The following FAM193A variants were observed in gnomAD, a reference collection of about 807,000 sequenced individuals.
FAM193A encodes family with sequence similarity 193 member A.
In FAM193A, 22 loss-of-function variants were observed where a neutral mutation model predicts 126.5. That is an observed-to-expected ratio of 0.17 (90% confidence interval 0.12 to 0.25). FAM193A has a LOEUF of 0.25. Among genes scored for constraint, FAM193A ranks in the 10% least tolerant of loss-of-function variants. The pLI is 1.00. For missense variants in FAM193A, 1,675 were observed against 1,672.8 expected (o/e 1.00, Z -0.02); for synonymous variants, 761 against 646.8 (o/e 1.18, Z -2.68).
chr4:2,707,967 C>G (rs140651999), intron 19 of FAM193A, among the ~76,000 whole-genome samples: 10 of 152,276 alleles, frequency 6.6e-5, no homozygotes, highest in African/African-American at 2.4e-4. Context: ...CCAGGCTAGT[C>G]TCGAACTCCT....
At chr4:2,573,976 G>T (rs1392044976) in intron 1 of FAM193A, among the ~76,000 whole-genome samples, 1 of 152,202 alleles carries the variant, frequency 6.6e-6, no homozygotes, top group Non-Finnish European at 1.5e-5. Flanking sequence ...TGTGAGGCTG[G>T]AGCAGAATGA....
chr4:2,689,413 G>A, intron 13 of FAM193A, 93 bp from the exon 14 acceptor site: 1 of 885,552 alleles, frequency 1.1e-6, no homozygotes, highest in Non-Finnish European at 1.7e-6. Flanking sequence ...ATCCCATGAG[G>A]CTCATAATGA....
chr4:2,673,333 C>G (rs1051208305), intron 13 of FAM193A, among the ~76,000 whole-genome samples: 1 of 152,174 alleles, frequency 6.6e-6, no homozygotes, highest in Non-Finnish European at 1.5e-5. Flanking sequence ...TTTCCAAACA[C>G]ATGTGTGTTT....
chr4:2,620,882 C>T (rs939538129), intron 2 of FAM193A, among the ~76,000 whole-genome samples: 4 of 147,368 alleles, frequency 2.7e-5, no homozygotes, highest in African/African-American at 7.7e-5. Flanking sequence ...AGCGACAGGT[C>T]AGCCACCCAG....
At chr4:2,679,162 T>G (rs1014299855) in intron 13 of FAM193A, among the ~76,000 whole-genome samples, 6 of 152,158 alleles carry the variant, frequency 3.9e-5, no homozygotes, top group Non-Finnish European at 7.4e-5. Context: ...TCTGCACCAG[T>G]TGTGATGATC....
At chr4:2,551,349 C>T (rs531390102) in intron 1 of FAM193A, among the ~76,000 whole-genome samples, 1 of 152,240 alleles carries the variant, frequency 6.6e-6, no homozygotes, top group African/African-American at 2.4e-5. Flanking sequence ...CAGAAATGTT[C>T]CAGTGAATTT....
At chr4:2,701,775 G>T (rs966729464) in intron 19 of FAM193A, among the ~76,000 whole-genome samples, 2 of 150,802 alleles carry the variant, frequency 1.3e-5, no homozygotes, top group Non-Finnish European at 2.9e-5. Context: ...TTGTCATATG[G>T]TGATTTTTTT....
intron 20 of FAM193A, 91 bp from the exon 21 acceptor site, chr4:2,731,684 G>A: frequency 1.0e-6 from 1 of 972,734 alleles, no homozygotes; most frequent in Non-Finnish European, 1.6e-6. Context: ...GTGAGTTTCT[G>A]GCAAGAACAG....
rs1712950098 is a variant in FAM193A, at chr4:2,665,052, G to A, written c.2079+1764G>A. Reference sequence around the variant, plus strand: ...GGTTGTGGTCTTTTATTTGTGGGATGATATAGATCAATTTAGGGAGAATGC... The same window carrying A: ...GGTTGTGGTCTTTTATTTGTGGGATAATATAGATCAATTTAGGGAGAATGC... On this transcript the variant is annotated intron_variant, in intron 12 of 20. Transcript: ENST00000637812. Among the ~76,000 whole-genome samples, 4 of 152,252 alleles carry A rather than the reference G, an allele frequency of 2.6e-5. No individual in the cohort carries two copies. In the South Asian group the frequency reaches 6.2e-4, roughly 24 times the overall value.
intron 1 of FAM193A, among the ~76,000 whole-genome samples, chr4:2,539,509 T>C (rs1737093834): frequency 6.6e-6 from 1 of 151,728 alleles, no homozygotes; most frequent in Non-Finnish European, 1.5e-5. Flanking sequence ...TAACCTCCAA[T>C]TTCTGGGCTA....
chr4:2,694,708 T>G (rs949871425), intron 16 of FAM193A, among the ~76,000 whole-genome samples: 1 of 152,172 alleles, frequency 6.6e-6, no homozygotes, highest in African/African-American at 2.4e-5. Context: ...CGTGTTCCTG[T>G]TCAGTGGCGC....
At chr4:2,622,257 C>CAAAAAAAAAAAAAAAA (rs71178493) in intron 2 of FAM193A, among the ~76,000 whole-genome samples, 3 of 55,546 alleles carry the variant, frequency 5.4e-5, no homozygotes, top group African/African-American at 1.4e-4. Context: ...ACCCTGTCTC[C>CAAAAAAAAAAAAAAAA]AAAAAAAAAA....
rs527314997 is a variant in FAM193A, at chr4:2,729,290, GCGCATGCTCCAGTAAACACACTA to G, written c.4455-2474_4455-2452del. Among the ~76,000 whole-genome samples the G allele has an allele frequency of 2.4e-4, 36 of 152,242 alleles. No homozygotes were observed. The South Asian group carries it at 6.8e-3, about 29-fold the overall frequency. ...AGGGAAGATCGCCTCAGGTGAGCAT[GCGCATGCTCCAGTAAACACACTA>G]CGCATGCTCCCTCCCAAGTGCTAGC... On this transcript the variant is annotated intron_variant, in intron 20 of 20. Coordinates refer to ENST00000637812, the MANE Select transcript of FAM193A (RefSeq NM_001366318.2).
chr4:2,601,152 G>C (rs1265244354), intron 2 of FAM193A, among the ~76,000 whole-genome samples: 1 of 151,460 alleles, frequency 6.6e-6, no homozygotes, highest in East Asian at 1.9e-4. Flanking sequence ...AGAGTTACTG[G>C]TATAAAGTTC....
Position 2,605,816 on chromosome 4 carries a change from A to G in FAM193A, c.501+9487A>G, listed in dbSNP as rs546050621. 1.1e-4 allele frequency among the ~76,000 whole-genome samples: 17 copies of G among 151,810 alleles called. No individual in the cohort carries two copies. In the South Asian group the frequency reaches 2.9e-3, roughly 26 times the overall value. On this transcript the variant is annotated intron_variant, in intron 2 of 20. Coordinates refer to ENST00000637812, the MANE Select transcript of FAM193A (RefSeq NM_001366318.2). ...GCGAAACCTCGTCTCTACTGAAAAT[A>G]CAAAATTAGCCCGTCATGGTGGCAC... is the stretch of plus-strand genomic sequence containing the variant.
chr4:2,538,785 C>T (rs1017039636), intron 1 of FAM193A, among the ~76,000 whole-genome samples: 1 of 152,124 alleles, frequency 6.6e-6, no homozygotes, highest in Admixed American at 6.6e-5. Flanking sequence ...CAATAAAAAC[C>T]AGTTGGTGGC....
chr4:2,651,751 C>T (rs553569045), intron 7 of FAM193A, among the ~76,000 whole-genome samples: 34 of 152,334 alleles, frequency 2.2e-4, no homozygotes, highest in Admixed American at 5.9e-4. Flanking sequence ...GTAGCAGCCT[C>T]GCTGCCTGTC....
chr4:2,637,846 A>G (rs774232503), intron 5 of FAM193A, among the ~76,000 whole-genome samples: 1 of 152,362 alleles, frequency 6.6e-6, no homozygotes, highest in African/African-American at 2.4e-5. Context: ...TGGCCATGCT[A>G]GGCACTCAGG....
At chr4:2,592,262 G>A (rs903585017) in intron 1 of FAM193A, among the ~76,000 whole-genome samples, 1 of 152,032 alleles carries the variant, frequency 6.6e-6, no homozygotes, top group Non-Finnish European at 1.5e-5. Flanking sequence ...CTAATTTTTT[G>A]TATTTTTAGT....
Sources: gnomAD v4.1 joint callset for allele counts (sites outside exome capture counted in the v4.1 genomes callset) on GRCh38, gnomAD v4.1.1 for gene constraint, MANE v1.5 for transcripts, NCBI Gene and HGNC (gene_info 2026-07-23, HGNC 2026-07-21) for gene names.